The following RAP1GAP2 variants were observed in gnomAD, a reference collection of about 807,000 sequenced individuals.
RAP1GAP2 encodes the protein RAP1 GTPase activating protein 2, also known as rap1 GTPase-activating protein 2.
A neutral mutation model predicts 95.0 loss-of-function variants in RAP1GAP2; 27 were observed. That is an observed-to-expected ratio of 0.28 (90% CI 0.21 to 0.39). The LOEUF (loss-of-function observed/expected upper bound fraction) is 0.39, where lower values mean the gene tolerates loss of function less well. Ranked by LOEUF, RAP1GAP2 falls within the 10% of genes least tolerant of loss-of-function variation. RAP1GAP2 has a pLI of 1.00. For missense variants in RAP1GAP2, 771 were observed against 970.0 expected (o/e 0.79, Z 2.72); for synonymous variants, 373 against 380.9 (o/e 0.98, Z 0.24).
chr17:2,911,212 G>A (rs1416507278), intron 3 of RAP1GAP2, among the ~76,000 whole-genome samples: 1 of 149,096 alleles, frequency 6.7e-6, no homozygotes, highest in East Asian at 2.0e-4. Flanking sequence ...GCTGCTACCC[G>A]ACCTATACGC....
At chr17:2,835,423 G>A (rs1273787549) in intron 2 of RAP1GAP2, among the ~76,000 whole-genome samples, 1 of 151,956 alleles carries the variant, frequency 6.6e-6, no homozygotes, top group African/African-American at 2.4e-5. Context: ...GTTTCACCAT[G>A]TTGGCCAGGA....
chr17:2,958,692 A>G lies in RAP1GAP2; in HGVS notation c.201+898A>G, dbSNP rs368062312. On this transcript the variant is annotated intron_variant, in intron 4 of 24. Transcript: ENST00000254695. ...AGCTTCAGAGCCAGAGAGTCCAGCCATTATGTCATGATGCTTTTTACCATA... is the reference window on the plus strand; with the variant it reads ...AGCTTCAGAGCCAGAGAGTCCAGCCGTTATGTCATGATGCTTTTTACCATA... 4.3e-4 allele frequency among the ~76,000 whole-genome samples: 66 copies of G among 152,218 alleles called. 1 individual carries two copies. In the South Asian group the frequency reaches 0.013, roughly 29 times the overall value.
chr17:2,899,832 A>T (rs1197065852), intron 2 of RAP1GAP2, among the ~76,000 whole-genome samples: 2 of 152,150 alleles, frequency 1.3e-5, no homozygotes, highest in Admixed American at 6.6e-5. Context: ...TTTGAAAATT[A>T]ATTATTTTTG....
intron 2 of RAP1GAP2, among the ~76,000 whole-genome samples, chr17:2,852,606 C>G (rs2071907975): frequency 6.6e-6 from 1 of 151,648 alleles, no homozygotes; most frequent in Non-Finnish European, 1.5e-5. Flanking sequence ...AAACAAAAAA[C>G]AAAACAACAA....
rs1019903626 is a variant in RAP1GAP2 at position 2,842,217 on chromosome 17, C to T, written c.80+41667C>T. ...ACACCTTTGGATGTGAAACAAGTTACACTCCTTTATTTTTCTAAAAAGTCT... is the reference window on the plus strand; with the variant it reads ...ACACCTTTGGATGTGAAACAAGTTATACTCCTTTATTTTTCTAAAAAGTCT... On this transcript the variant is annotated intron_variant, in intron 2 of 24. Transcript: ENST00000254695. Among the ~76,000 whole-genome samples, 5 of 152,118 alleles carry T rather than the reference C, an allele frequency of 3.3e-5. 1 individual carries two copies. The highest frequency in any genetic ancestry group is 7.2e-5 in the African/African-American group (3 of 41,426).
intron 3 of RAP1GAP2, among the ~76,000 whole-genome samples, chr17:2,938,188 A>G (rs2151425075): frequency 6.6e-6 from 1 of 152,186 alleles, no homozygotes; most frequent in South Asian, 2.1e-4. Flanking sequence ...AGAGTGGCTT[A>G]TATTTCTCCC....
Position 2,942,958 on chromosome 17 carries a change from G to A in RAP1GAP2, c.166-14801G>A, listed in dbSNP as rs548893980. On this transcript the variant is annotated intron_variant, in intron 3 of 24. Coordinates refer to ENST00000254695, the MANE Select transcript of RAP1GAP2 (RefSeq NM_015085.5). ...TAATTTTTGTATTTTTAGTAGAGAT[G>A]GGGTTTCACCATGTTGGTCAGGCTG... Among the ~76,000 whole-genome samples the A allele has an allele frequency of 4.3e-4, 65 of 151,990 alleles. No individual in the cohort carries two copies. In the East Asian group the frequency reaches 0.011, roughly 25 times the overall value.
intron 3 of RAP1GAP2, among the ~76,000 whole-genome samples, chr17:2,926,153 G>A (rs2042950189): frequency 6.6e-6 from 1 of 151,318 alleles, no homozygotes. Context: ...AAGGAACCTG[G>A]TCAGAGCAGA....
intron 13 of RAP1GAP2, 147 bp from the exon 14 acceptor site, chr17:2,998,074 C>G (rs2151585446): frequency 1.1e-6 from 1 of 893,662 alleles, no homozygotes; most frequent in Middle Eastern, 2.4e-4. Context: ...TGCTTTCATA[C>G]TTAAACTTCC....
intron 3 of RAP1GAP2, among the ~76,000 whole-genome samples, chr17:2,943,787 T>G (rs1439854386): frequency 6.6e-6 from 1 of 152,062 alleles, no homozygotes; most frequent in East Asian, 1.9e-4. Flanking sequence ...GGGTCGTTAA[T>G]CATCAGGGAA....
At chr17:2,758,629 C>T (rs550319771) in intron 1 of RAP1GAP2, among the ~76,000 whole-genome samples, 1 of 152,210 alleles carries the variant, frequency 6.6e-6, no homozygotes, top group Non-Finnish European at 1.5e-5. Context: ...CAATCCATGC[C>T]ATGCTCCAGC....
At chr17:2,838,670 G>A (rs946380781) in intron 2 of RAP1GAP2, among the ~76,000 whole-genome samples, 4 of 152,252 alleles carry the variant, frequency 2.6e-5, no homozygotes, top group Non-Finnish European at 4.4e-5. Context: ...ATGAATTGGC[G>A]CAGTGATTCC....
At chr17:2,763,110 G>C (rs2151757799) in intron 1 of RAP1GAP2, among the ~76,000 whole-genome samples, 1 of 152,290 alleles carries the variant, frequency 6.6e-6, no homozygotes, top group Non-Finnish European at 1.5e-5. Flanking sequence ...GGAGATGGCA[G>C]TTTACTTTTC....
intron 3 of RAP1GAP2, among the ~76,000 whole-genome samples, chr17:2,919,939 G>A (rs2042696131): frequency 6.6e-6 from 1 of 151,806 alleles, no homozygotes; most frequent in Non-Finnish European, 1.5e-5. Flanking sequence ...GACCTCAGGT[G>A]ATCCGCCCGC....
chr17:2,852,202 T>A (rs2071882268), intron 2 of RAP1GAP2, among the ~76,000 whole-genome samples: 1 of 152,204 alleles, frequency 6.6e-6, no homozygotes, highest in South Asian at 2.1e-4. Context: ...CTTAAGTCAC[T>A]ACTGGCATAG....
In RAP1GAP2 at chr17:2,980,302, G is replaced by A. The variant is rs200053075; in HGVS notation, c.612G>A (p.Thr204=). 885 of 1,613,804 alleles carry A rather than the reference G, an allele frequency of 5.5e-4. 22 individuals carry two copies. In the South Asian group the frequency reaches 9.0e-3, roughly 16 times the overall value. The change falls in exon 9 of 25, where the codon ACG becomes ACA. Residue 204 remains threonine, a synonymous_variant. Transcript: ENST00000254695. ...LRVILRSKLK[T]VHERIPLAGL... ...TCTTGTGCAGGTCCAAACTGAAGAC[G>A]GTACATGAGCGGATCCCCTTGGCTG...
intron 2 of RAP1GAP2, among the ~76,000 whole-genome samples, chr17:2,893,378 G>T (rs1348865347): frequency 6.6e-5 from 10 of 152,170 alleles, no homozygotes; most frequent in African/African-American, 2.4e-4. Context: ...GAAGAAGTGG[G>T]ATAATAAATG....
chr17:2,894,885 C>G (rs558435875), intron 2 of RAP1GAP2, among the ~76,000 whole-genome samples: 64 of 152,304 alleles, frequency 4.2e-4, no homozygotes, highest in African/African-American at 1.5e-3. Context: ...CCCTCCCTTC[C>G]AGCCGCTCCG....
chr17:2,847,818 C>T (rs2071654971), intron 2 of RAP1GAP2, among the ~76,000 whole-genome samples: 2 of 152,114 alleles, frequency 1.3e-5, no homozygotes, highest in African/African-American at 4.8e-5. Context: ...TCATCCGCTC[C>T]TGATTCTCTG....
Sources: gnomAD v4.1 joint callset for allele counts (sites outside exome capture counted in the v4.1 genomes callset) on GRCh38, gnomAD v4.1.1 for gene constraint, MANE v1.5 for transcripts, NCBI Gene and HGNC (gene_info 2026-07-23, HGNC 2026-07-21) for gene names.